Variants in NRG1 observed in about 807,000 individuals in gnomAD.
NRG1 encodes neuregulin 1.
In NRG1, 18 loss-of-function variants were observed where a neutral mutation model predicts 63.8. The ratio of observed to expected loss-of-function variants is 0.28; its 90% CI spans 0.19 to 0.42. The LOEUF is 0.42. NRG1 is among the 10% of genes least tolerant of loss of function. The probability of loss-of-function intolerance (pLI) is 1.00; values close to 1 mark genes in which losing one functional copy is unlikely to be tolerated. For synonymous variants in NRG1, 302 were observed against 301.3 expected, an observed-to-expected ratio of 1.00 and a Z score of -0.02; for missense variants, 762 against 814.7, an observed-to-expected ratio of 0.94 and a Z score of 0.79.
chr8:32,319,879 A>C (rs1801173986), intron 1 of NRG1, among the ~76,000 whole-genome samples: 1 of 152,122 alleles, frequency 6.6e-6, no homozygotes, highest in Admixed American at 6.6e-5. Context: ...CACTAATATA[A>C]ATATTAATAT....
intron 1 of NRG1, among the ~76,000 whole-genome samples, chr8:32,119,145 A>G (rs1156803391): frequency 1.3e-5 from 2 of 152,080 alleles, no homozygotes; most frequent in Admixed American, 6.6e-5. Context: ...AGAAGGTTCT[A>G]TTATTTAATA....
At chr8:32,467,040 A>G (rs1455389239) in intron 1 of NRG1, among the ~76,000 whole-genome samples, 1 of 152,074 alleles carries the variant, frequency 6.6e-6, no homozygotes, top group African/African-American at 2.4e-5. Flanking sequence ...GCTTAGCTTT[A>G]CAATCCTCCC....
chr8:32,374,415 G>C (rs939906532), intron 1 of NRG1, among the ~76,000 whole-genome samples: 2 of 152,206 alleles, frequency 1.3e-5, no homozygotes, highest in African/African-American at 4.8e-5. Flanking sequence ...AGGGAGGGAA[G>C]AAATGATGTT....
intron 1 of NRG1, among the ~76,000 whole-genome samples, chr8:32,260,040 C>T (rs1850191103): frequency 6.6e-6 from 1 of 152,154 alleles, no homozygotes; most frequent in African/African-American, 2.4e-5. Context: ...TATTCATGTA[C>T]ACTTCTCTGC....
intron 1 of NRG1, among the ~76,000 whole-genome samples, chr8:32,250,911 A>G (rs1053864319): frequency 6.6e-6 from 1 of 152,114 alleles, no homozygotes; most frequent in African/African-American, 2.4e-5. Flanking sequence ...ATAAATTTGT[A>G]GACATGTATA....
chr8:32,324,580 C>A (rs918231369), intron 1 of NRG1, among the ~76,000 whole-genome samples: 2 of 152,128 alleles, frequency 1.3e-5, no homozygotes, highest in African/African-American at 4.8e-5. Flanking sequence ...AATAATTCTT[C>A]CCAGCACCAA....
intron 1 of NRG1, among the ~76,000 whole-genome samples, chr8:31,948,374 G>A (rs1802950544): frequency 6.6e-6 from 1 of 152,144 alleles, no homozygotes; most frequent in African/African-American, 2.4e-5. Flanking sequence ...TTGCCACCCT[G>A]AAATCTATGC....
chr8:32,688,332 T>C (rs931514127), intron 5 of NRG1, among the ~76,000 whole-genome samples: 2 of 152,166 alleles, frequency 1.3e-5, no homozygotes, highest in Non-Finnish European at 2.9e-5. Context: ...ATAACCAGTT[T>C]CCATTAATTG....
At chr8:32,020,346 G>C (rs1312914372) in intron 1 of NRG1, among the ~76,000 whole-genome samples, 1 of 151,956 alleles carries the variant, frequency 6.6e-6, no homozygotes, top group Non-Finnish European at 1.5e-5. Context: ...TTGTATGTTG[G>C]CCTAGCCAGC....
chr8:32,426,626 C>T lies in NRG1; in HGVS notation c.38-169202C>T, dbSNP rs116061293. Among the ~76,000 whole-genome samples the T allele has an allele frequency of 7.5e-3, 1,136 of 152,170 alleles. 17 individuals carry two copies. The highest frequency in any genetic ancestry group is 0.025 in the African/African-American group (1,042 of 41,518). ...TCCACAGAAAATGTAGACACAGGCC[C>T]TTCTCTCCCAGTCTCAACACCACAC... is the stretch of plus-strand genomic sequence containing the variant. On this transcript the variant is annotated intron_variant, in intron 1 of 10. Coordinates refer to the NRG1 transcript ENST00000519301.
chr8:32,737,958 C>A (rs946862367), intron 6 of NRG1, among the ~76,000 whole-genome samples: 24 of 152,090 alleles, frequency 1.6e-4, no homozygotes, highest in African/African-American at 5.1e-4. Context: ...CGGGTCTTAG[C>A]CACCACACCT....
chr8:31,879,384 T>TGCATTTCTCTGATGA (rs1830173330), intron 1 of NRG1, among the ~76,000 whole-genome samples: 1 of 152,204 alleles, frequency 6.6e-6, no homozygotes, highest in Admixed American at 6.5e-5. Flanking sequence ...TAATTTGATG[T>TGCATTTCTCTGATGA]GCATTTCTCT....
At chr8:32,223,812 A>G (rs1218160721) in intron 1 of NRG1, among the ~76,000 whole-genome samples, 4 of 152,170 alleles carry the variant, frequency 2.6e-5, no homozygotes, top group African/African-American at 4.8e-5. Context: ...GCGGAAAATT[A>G]TGGGTTATAA....
intron 1 of NRG1, among the ~76,000 whole-genome samples, chr8:31,643,208 G>A (rs1161405662): frequency 1.3e-5 from 2 of 152,222 alleles, no homozygotes; most frequent in East Asian, 3.9e-4. Context: ...GAGTGATGGA[G>A]CAGAAGGCCC....
intron 1 of NRG1, among the ~76,000 whole-genome samples, chr8:31,772,431 C>T (rs927543051): frequency 2.0e-5 from 3 of 152,212 alleles, no homozygotes; most frequent in African/African-American, 7.2e-5. Flanking sequence ...ACAGATTCAA[C>T]ACAAGGTTGA....
At chr8:32,546,265 G>A (rs1371553645), upstream of NRG1, among the ~76,000 whole-genome samples, 2 of 151,394 alleles carry the variant, frequency 1.3e-5, no homozygotes, top group Non-Finnish European at 2.9e-5. Flanking sequence ...CTAAACAAAA[G>A]TAGCAGAATT....
intron 1 of NRG1, among the ~76,000 whole-genome samples, chr8:31,822,661 A>C (rs548495685): frequency 1.8e-4 from 28 of 152,332 alleles, no homozygotes; most frequent in African/African-American, 6.5e-4. Context: ...ACAGACAAAA[A>C]TTAATAATTA....
chr8:32,644,396 C>T (rs868461483), intron 5 of NRG1, among the ~76,000 whole-genome samples: 1 of 152,202 alleles, frequency 6.6e-6, no homozygotes, highest in African/African-American at 2.4e-5. Flanking sequence ...CCCATTCACA[C>T]TTTCCTTTCT....
At chr8:31,810,164 A>T (rs1822745968) in intron 1 of NRG1, among the ~76,000 whole-genome samples, 1 of 152,016 alleles carries the variant, frequency 6.6e-6, no homozygotes, top group Non-Finnish European at 1.5e-5. Context: ...ACCATATCTG[A>T]CTGTCTCTCA....
Sources: allele counts gnomAD v4.1 joint callset (sites outside exome capture counted in the v4.1 genomes callset), GRCh38; gene constraint gnomAD v4.1.1; transcripts MANE v1.5; gene names NCBI Gene and HGNC (gene_info 2026-07-23, HGNC 2026-07-21).